The following NLGN4X variants were observed in gnomAD, a reference collection of about 807,000 sequenced individuals.
NLGN4X encodes the protein neuroligin 4 X-linked, also known as neuroligin-4, X-linked.
NLGN4X carries 3 observed loss-of-function variants against 40.3 expected under a neutral mutation model. The observed-to-expected ratio is 0.07, with a 90% CI of 0.03 to 0.19. NLGN4X has a LOEUF of 0.19. Ranked by LOEUF, NLGN4X falls within the 10% of genes least tolerant of loss-of-function variation. NLGN4X has a pLI of 1.00. For synonymous variants in NLGN4X, 270 were observed against 306.8 expected, an observed-to-expected ratio of 0.88 and a Z score of 1.25; for missense variants, 382 against 708.3, an observed-to-expected ratio of 0.54 and a Z score of 5.23.
intron 1 of NLGN4X, among the ~76,000 whole-genome samples, chrX:6,162,090 T>A (rs1034308656): frequency 8.9e-6 from 1 of 111,763 alleles, no homozygotes. Context: ...TGGTCCTACA[T>A]AAGAGCAAAC....
chrX:5,958,955 A>G (rs2034577243), intron 3 of NLGN4X, among the ~76,000 whole-genome samples: 1 of 112,312 alleles, frequency 8.9e-6, no homozygotes, highest in Non-Finnish European at 1.9e-5. Flanking sequence ...ACAGTTACCT[A>G]CTGTTAGGTA....
At position 5,893,325 on chromosome X, in the gene NLGN4X, T is replaced by C. The variant is rs753419140; in HGVS notation, c.1943A>G (p.Lys648Arg). ...TGTTTTGTGAGGGTCCTTAGAGTGT[T>C]TGGGATTGTTGGCAGGAGTGATTGC... ...RPAITPANNP[K>R]HSKDPHKTGP... The change falls in exon 6 of 6, where the codon AAA becomes AGA. Residue 648 changes from lysine to arginine, a missense_variant. Lys to Arg is a conservative substitution (Grantham distance 26, BLOSUM62 2). This residue lies in a region of NLGN4X where 149 missense variants were observed against 375.8 expected (regional missense o/e 0.40). Transcript: ENST00000381095. The C allele has an allele frequency of 3.3e-6, 4 of 1,210,595 alleles. No individual in the cohort carries two copies. The highest frequency in any genetic ancestry group is 4.5e-6 in the Non-Finnish European group (4 of 895,214).
At position 6,183,479 on chromosome X, in the gene NLGN4X, G is replaced by A. The variant is rs192533212; in HGVS notation, c.-305-31708C>T. Among the ~76,000 whole-genome samples, 22 of 110,642 alleles carry A rather than the reference G, an allele frequency of 2.0e-4. No homozygotes were observed. The East Asian group carries it at 4.6e-3, about 23-fold the overall frequency. On this transcript the variant is annotated intron_variant, in intron 1 of 5. Transcript: ENST00000381095. ...GGAGATATGCATGAACACGGGAGGC[G>A]GAGTTTGCAGTGAGCGGAGATCGCG...
At chrX:6,138,025 T>C (rs1030130205) in intron 2 of NLGN4X, among the ~76,000 whole-genome samples, 1 of 111,999 alleles carries the variant, frequency 8.9e-6, no homozygotes, top group Non-Finnish European at 1.9e-5. Flanking sequence ...GTGATTGTTG[T>C]GCATTCAGCA....
intron 3 of NLGN4X, among the ~76,000 whole-genome samples, chrX:5,959,986 T>C (rs2034607339): frequency 9.0e-6 from 1 of 111,270 alleles, no homozygotes; most frequent in South Asian, 3.8e-4. Flanking sequence ...TTATAATGTG[T>C]CTTTGAATTT....
intron 1 of NLGN4X, among the ~76,000 whole-genome samples, chrX:6,224,977 CATAT>C (rs34139921): frequency 0.14 from 7,158 of 52,121 alleles, 495 homozygotes; most frequent in East Asian, 0.4. Context: ...TTAAAATGGC[CATAT>C]ATATATATAT....
intron 3 of NLGN4X, among the ~76,000 whole-genome samples, chrX:5,936,864 A>G (rs751857755): frequency 9.8e-5 from 11 of 112,232 alleles, no homozygotes; most frequent in African/African-American, 3.6e-4. Flanking sequence ...GTGATGGTGA[A>G]TCTGCTCTAG....
At chrX:6,125,507 ATTT>A (rs1209803240) in intron 2 of NLGN4X, among the ~76,000 whole-genome samples, 2 of 111,997 alleles carry the variant, frequency 1.8e-5, no homozygotes, top group Non-Finnish European at 3.8e-5. Context: ...GAGGAAAATC[ATTT>A]TTAAAATAAC....
At chrX:6,041,055 G>T (rs2037144191) in intron 2 of NLGN4X, among the ~76,000 whole-genome samples, 1 of 111,464 alleles carries the variant, frequency 9.0e-6, no homozygotes, top group African/African-American at 3.3e-5. Context: ...GTGACACACT[G>T]TCCTTATTCT....
intron 1 of NLGN4X, among the ~76,000 whole-genome samples, chrX:6,218,877 G>A (rs182020080): frequency 3.8e-4 from 42 of 111,183 alleles, no homozygotes; most frequent in Admixed American, 1.2e-3. Context: ...GAGACTTTAA[G>A]GCCATAATGT....
intron 2 of NLGN4X, among the ~76,000 whole-genome samples, chrX:6,040,941 C>G (rs1017994530): frequency 9.0e-6 from 1 of 111,231 alleles, no homozygotes; most frequent in South Asian, 3.8e-4. Flanking sequence ...TGATCCCCCC[C>G]AAAAAAATAT....
At chrX:5,995,240 C>T (rs960393774) in intron 3 of NLGN4X, among the ~76,000 whole-genome samples, 8 of 112,167 alleles carry the variant, frequency 7.1e-5, no homozygotes, top group African/African-American at 2.6e-4. Context: ...CTCTTCTTCC[C>T]TTGGGGAGCT....
intron 1 of NLGN4X, among the ~76,000 whole-genome samples, chrX:6,216,996 G>A (rs1392222733): frequency 1.8e-5 from 2 of 111,545 alleles, no homozygotes; most frequent in Non-Finnish European, 3.8e-5. Context: ...TTCCTAGACT[G>A]GTCTCAAAGT....
intron 3 of NLGN4X, among the ~76,000 whole-genome samples, chrX:5,942,805 A>G (rs2033993006): frequency 9.0e-6 from 1 of 111,021 alleles, no homozygotes; most frequent in African/African-American, 3.3e-5. Context: ...ATAGGAAGCC[A>G]GTGTTCTGGG....
chrX:5,960,936 C>T (rs1179601936), intron 3 of NLGN4X, among the ~76,000 whole-genome samples: 1 of 111,992 alleles, frequency 8.9e-6, no homozygotes, highest in African/African-American at 3.2e-5. Context: ...TCTAAAAATG[C>T]TTAAAATATT....
chrX:5,971,958 A>C (rs915743205), intron 3 of NLGN4X, among the ~76,000 whole-genome samples: 1 of 112,094 alleles, frequency 8.9e-6, no homozygotes, highest in African/African-American at 3.2e-5. Flanking sequence ...CTACCTCCAG[A>C]CATGGGCTTA....
At position 5,979,721 on chromosome X, in the gene NLGN4X, TATATGTGTGTATATATACACACATAC is replaced by T. The variant is rs1337999325; in HGVS notation, c.625+49533_625+49558del. Among the ~76,000 whole-genome samples, 284 of 94,530 alleles carry T rather than the reference TATATGTGTGTATATATACACACATAC, an allele frequency of 3.0e-3. 17 individuals are homozygous for T. The highest frequency in any genetic ancestry group is 0.013 in the Admixed American group (114 of 8,703). The allele number at this position is 94,530 out of a possible 115,157, so 82.1% of individuals were successfully genotyped here. ...TTTTTAATTCTCCTTTTAGAATATA[TATATGTGTGTATATATACACACATAC>T]ATATATATGTGTATATATACACACA... On this transcript the variant is annotated intron_variant, in intron 3 of 5. Transcript: ENST00000381095.
In NLGN4X at chrX:6,065,024, G is replaced by C. The variant is rs151163287; in HGVS notation, c.473-35592C>G. Among the ~76,000 whole-genome samples the C allele has an allele frequency of 6.5e-3, 729 of 111,658 alleles. 3 individuals are homozygous for C. Among genetic ancestry groups the C allele is most frequent in the African/African-American group, 0.022 (692 of 30,764 alleles). ...AACTAATGCAGAAACAGAAAAGCAA[G>C]TACTGCATATTCTCACTTACAAGTG... On this transcript the variant is annotated intron_variant, in intron 2 of 5. Transcript: ENST00000381095.
chrX:6,033,337 G>A (rs1177428648), intron 2 of NLGN4X, among the ~76,000 whole-genome samples: 1 of 111,804 alleles, frequency 8.9e-6, no homozygotes, highest in Non-Finnish European at 1.9e-5. Flanking sequence ...AGTCAGAATT[G>A]TGACTAATTT....
Sources: allele counts gnomAD v4.1 joint callset (sites outside exome capture counted in the v4.1 genomes callset), GRCh38; gene constraint gnomAD v4.1.1; regional missense constraint gnomAD v4.1.1; transcripts MANE v1.5; gene names NCBI Gene and HGNC (gene_info 2026-07-23, HGNC 2026-07-21).